Variants in MPPED1 observed in about 807,000 individuals in gnomAD.
MPPED1 encodes metallophosphoesterase domain containing 1.
In MPPED1, 16 loss-of-function variants were observed where a neutral mutation model predicts 36.2. That is an observed-to-expected ratio of 0.44 (90% CI 0.30 to 0.67). The LOEUF (loss-of-function observed/expected upper bound fraction) is 0.67, where lower values mean the gene tolerates loss of function less well. Ranked by LOEUF, MPPED1 falls within the 30% of genes least tolerant of loss-of-function variation. MPPED1 has a pLI of 0.10. For missense variants in MPPED1, 307 were observed against 453.4 expected (o/e 0.68, Z 2.93); for synonymous variants, 199 against 191.3 (o/e 1.04, Z -0.33).
At chr22:43,424,371 C>T (rs1293868121) in intron 1 of MPPED1, among the ~76,000 whole-genome samples, 1 of 152,078 alleles carries the variant, frequency 6.6e-6, no homozygotes, top group Non-Finnish European at 1.5e-5. Context: ...AAATCGATGT[C>T]GAGGGAGGAA....
chr22:43,471,420 G>A (rs9612080), intron 3 of MPPED1, among the ~76,000 whole-genome samples: 37,127 of 152,132 alleles, frequency 0.24, 5,569 homozygotes, highest in Admixed American at 0.34. Flanking sequence ...TGAGGTGCCC[G>A]TCTAGAGGGG....
intron 3 of MPPED1, among the ~76,000 whole-genome samples, chr22:43,465,188 C>T (rs1202198246): frequency 6.6e-6 from 1 of 152,220 alleles, no homozygotes. Flanking sequence ...ACTCTCAGGC[C>T]AGGGCTCTCC....
intron 4 of MPPED1, among the ~76,000 whole-genome samples, chr22:43,495,516 TGGTGGA>T (rs2146911161): frequency 8.6e-6 from 1 of 116,912 alleles, no homozygotes; most frequent in African/African-American, 3.2e-5. Context: ...GTGGTGGTGG[TGGTGGA>T]GGTGGTGGTG....
intron 3 of MPPED1, 69 bp downstream of exon 3, chr22:43,435,284 C>T (rs1601956510): frequency 1.3e-6 from 2 of 1,491,304 alleles, no homozygotes; most frequent in Non-Finnish European, 9.0e-7. Context: ...GCTCCCGAGG[C>T]TGCCTGCCTG....
Position 43,474,999 on chromosome 22 carries a change from G to T in MPPED1, c.632+38G>T. On this transcript the variant is annotated intron_variant, in intron 4 of 6. Transcript: ENST00000443721. This position sits in a 1 kb window ranked among gnomAD's most constrained non-coding sequence, Gnocchi z 5.2. ...GGGTGCTGGTCCTGCCTGCTGGTGA[G>T]ACCAGAGCTGAGGCTGAGCGCAGGG... is the stretch of plus-strand genomic sequence containing the variant. The T allele has an allele frequency of 1.3e-6, 2 of 1,595,874 alleles. No individual in the cohort carries two copies. Among genetic ancestry groups the T allele is most frequent in the South Asian group, 1.1e-5 (1 of 90,606 alleles).
At chr22:43,430,079 T>C (rs927936043) in intron 2 of MPPED1, among the ~76,000 whole-genome samples, 5 of 152,064 alleles carry the variant, frequency 3.3e-5, no homozygotes, top group Non-Finnish European at 5.9e-5. Context: ...TCCCCATTTG[T>C]AAAATGAGAG....
intron 3 of MPPED1, among the ~76,000 whole-genome samples, chr22:43,437,361 C>T (rs993818808): frequency 6.7e-6 from 1 of 149,878 alleles, no homozygotes; most frequent in Non-Finnish European, 1.5e-5. Context: ...CTCATTTAAT[C>T]CTCCTGACAA....
chr22:43,416,282 T>C (rs1225122776), intron 1 of MPPED1, among the ~76,000 whole-genome samples: 5 of 152,224 alleles, frequency 3.3e-5, no homozygotes, highest in Non-Finnish European at 5.9e-5. Flanking sequence ...TCATCCTTAA[T>C]TGCAAATTCC....
intron 6 of MPPED1, among the ~76,000 whole-genome samples, chr22:43,504,881 GTGA>G (rs1218094285): frequency 2.7e-5 from 4 of 150,328 alleles, no homozygotes; most frequent in South Asian, 2.1e-4. Flanking sequence ...GGTGGTGGTG[GTGA>G]TGATAAGGGC....
intron 3 of MPPED1, among the ~76,000 whole-genome samples, chr22:43,467,223 T>G (rs1381068176): frequency 6.6e-6 from 1 of 152,238 alleles, no homozygotes; most frequent in Non-Finnish European, 1.5e-5. Context: ...GCCTTTCATC[T>G]CTGTCATGGG....
At chr22:43,484,887 C>T (rs1224660505) in intron 4 of MPPED1, among the ~76,000 whole-genome samples, 1 of 152,186 alleles carries the variant, frequency 6.6e-6, no homozygotes, top group Non-Finnish European at 1.5e-5. Flanking sequence ...CAGCCACCCA[C>T]CTCCGTCTCC....
chr22:43,488,364 G>A (rs373773314), intron 4 of MPPED1, among the ~76,000 whole-genome samples: 1 of 152,204 alleles, frequency 6.6e-6, no homozygotes. Context: ...ACCCTACCTG[G>A]GGAGGCAGAG....
rs542640069 is a variant in MPPED1, at chr22:43,450,001, T to A, written c.406+14786T>A. Among the ~76,000 whole-genome samples the A allele has an allele frequency of 5.6e-3, 849 of 151,390 alleles. 5 individuals carry two copies. The highest frequency in any genetic ancestry group is 0.019 in the African/African-American group (799 of 41,218). ...ATGGGCGGGCCCAGCCGGGTGGCGGTGGTTTGTAGAGCCAGGGACACCAGC... is the reference window on the plus strand; with the variant it reads ...ATGGGCGGGCCCAGCCGGGTGGCGGAGGTTTGTAGAGCCAGGGACACCAGC... On this transcript the variant is annotated intron_variant, in intron 3 of 6. Transcript: ENST00000443721.
At position 43,413,542 on chromosome 22, in the gene MPPED1, G is replaced by A. The variant is rs550253245; in HGVS notation, c.-79+1384G>A. Reference sequence around the variant, plus strand: ...GGGGAGGGTGCTGATGGATTCGGCCGGGCTGAGGCAGGGGAGAACCTCAAT... The same window carrying A: ...GGGGAGGGTGCTGATGGATTCGGCCAGGCTGAGGCAGGGGAGAACCTCAAT... On this transcript the variant is annotated intron_variant, in intron 1 of 6. Coordinates refer to ENST00000443721, the MANE Select transcript of MPPED1 (RefSeq NM_001044370.2). Among the ~76,000 whole-genome samples, 4 of 152,306 alleles carry A rather than the reference G, an allele frequency of 2.6e-5. No individual in the cohort carries two copies. In the South Asian group the frequency reaches 8.3e-4, roughly 32 times the overall value.
At chr22:43,444,561 C>G (rs1199406460) in intron 3 of MPPED1, among the ~76,000 whole-genome samples, 1 of 151,948 alleles carries the variant, frequency 6.6e-6, no homozygotes, top group Non-Finnish European at 1.5e-5. Flanking sequence ...CGGGGTTTCA[C>G]CATGTTGGCC....
At chr22:43,432,876 AGGGAAAGAGAAAGGGAGGAGAGAGAG>A (rs1484891063) in intron 2 of MPPED1, among the ~76,000 whole-genome samples, 70 of 17,550 alleles carry the variant, frequency 4.0e-3, no homozygotes, top group African/African-American at 6.5e-3. Context: ...GGAGAGAGAG[AGGGAAAGAGAAAGGGAGGAGAGAGAG>A]AGGGAAAGAG....
chr22:43,424,820 TCTCC>T, intron 1 of MPPED1, 84 bp from the exon 2 acceptor site: 1 of 1,416,502 alleles, frequency 7.1e-7, no homozygotes, highest in Non-Finnish European at 9.3e-7. Flanking sequence ...CCCCCCGCCC[TCTCC>T]CTCTTTCTAA....
At chr22:43,450,018 G>C (rs1338127268) in intron 3 of MPPED1, among the ~76,000 whole-genome samples, 2 of 152,166 alleles carry the variant, frequency 1.3e-5, no homozygotes, top group African/African-American at 4.8e-5. Flanking sequence ...TAGAGCCAGG[G>C]ACACCAGCAG....
At chr22:43,493,382 AC>A (rs1225601064) in intron 4 of MPPED1, among the ~76,000 whole-genome samples, 2 of 152,222 alleles carry the variant, frequency 1.3e-5, no homozygotes, top group East Asian at 3.8e-4. Context: ...ACCCCACGGA[AC>A]AGTGCATGGC....
Sources: gnomAD v4.1 joint callset for allele counts (sites outside exome capture counted in the v4.1 genomes callset) on GRCh38, gnomAD v4.1.1 for gene constraint, Gnocchi (gnomAD v3.1) non-coding constraint, MANE v1.5 for transcripts, NCBI Gene and HGNC (gene_info 2026-07-23, HGNC 2026-07-21) for gene names.